DOCK1: variants seen among roughly 807,000 people sequenced by gnomAD.
DOCK1 encodes the protein dedicator of cytokinesis 1, also known as dedicator of cytokinesis protein 1.
In DOCK1, 138 loss-of-function variants were observed where a neutral mutation model predicts 262.7. The ratio of observed to expected loss-of-function variants is 0.53; its 90% CI spans 0.46 to 0.61. DOCK1 has a LOEUF of 0.61. DOCK1 is among the 20% of genes least tolerant of loss of function. The pLI, the probability that DOCK1 is intolerant of heterozygous loss-of-function variation, is 0.00. For synonymous variants in DOCK1, 866 were observed against 867.4 expected, an observed-to-expected ratio of 1.00 and a Z score of 0.03; for missense variants, 1,908 against 2,370.7, an observed-to-expected ratio of 0.80 and a Z score of 4.05.
Position 127,176,469 on chromosome 10 carries a change from A to G in DOCK1, c.2847+48705A>G, listed in dbSNP as rs1445701938. 2 of 1,297,750 alleles carry G rather than the reference A, an allele frequency of 1.5e-6. No homozygotes were observed. 80.4% of individuals were successfully genotyped at this position (1,297,750 alleles called of 1,614,324 possible). A position where few individuals can be genotyped will look rare whatever the true frequency, so the allele number is the denominator to read the frequency against. On this transcript the variant is annotated intron_variant, in intron 27 of 51. Transcript: ENST00000623213. This position sits in a 1 kb window ranked among gnomAD's most constrained non-coding sequence, Gnocchi z 4.4. ...ACACACTCAAGCACCGGCCGCACAAACTTTTAGCCACCACGACGACTGCCT... is the reference window on the plus strand; with the variant it reads ...ACACACTCAAGCACCGGCCGCACAAGCTTTTAGCCACCACGACGACTGCCT...
chr10:127,098,227 A>G (rs2048021925), intron 23 of DOCK1, among the ~76,000 whole-genome samples: 3 of 152,234 alleles, frequency 2.0e-5, no homozygotes, highest in Non-Finnish European at 4.4e-5. Flanking sequence ...CAAAAGGCAA[A>G]CAAAAACAGG....
At chr10:126,921,303 A>T (rs1269433530) in intron 1 of DOCK1, among the ~76,000 whole-genome samples, 4 of 152,152 alleles carry the variant, frequency 2.6e-5, no homozygotes, top group Non-Finnish European at 5.9e-5. Context: ...AATGTCCATC[A>T]TTGGATGAAT....
Position 127,306,732 on chromosome 10 carries a change from G to A in DOCK1, c.3045-32274G>A, listed in dbSNP as rs548966363. Among the ~76,000 whole-genome samples the A allele has an allele frequency of 6.6e-5, 10 of 152,230 alleles. No homozygotes were observed. In the South Asian group the frequency reaches 1.9e-3, roughly 28 times the overall value. The stretch of plus-strand genomic sequence containing the variant: ...TTACGGGAAGCTTGGATAACTGTAT[G>A]GGGGACTTTAAAATTTATCTCTCTG... On this transcript the variant is annotated intron_variant, in intron 29 of 51. Coordinates refer to ENST00000623213, the MANE Select transcript of DOCK1 (RefSeq NM_001290223.2).
chr10:126,906,457 A>C, intron 1 of DOCK1, among the ~76,000 whole-genome samples: 1 of 151,248 alleles, frequency 6.6e-6, no homozygotes. Context: ...GGCCGTGGCT[A>C]CTCTCCTGCT....
chr10:127,260,267 ACT>A lies in DOCK1; in HGVS notation c.3044+2841_3044+2842del, dbSNP rs1367079239. 2.0e-5 allele frequency among the ~76,000 whole-genome samples: 3 copies of A among 151,978 alleles called. No individual in the cohort carries two copies. In the South Asian group the frequency reaches 6.2e-4, roughly 32 times the overall value. On this transcript the variant is annotated intron_variant, in intron 29 of 51. Coordinates refer to ENST00000623213, the MANE Select transcript of DOCK1 (RefSeq NM_001290223.2). ...AGTCTTTTGTTTTGAGGACAGGGAA[ACT>A]CTGGGGAGAAGCCACAGTGCTCAGT...
intron 29 of DOCK1, among the ~76,000 whole-genome samples, chr10:127,326,982 C>T (rs753356759): frequency 1.3e-5 from 2 of 152,172 alleles, no homozygotes; most frequent in Non-Finnish European, 2.9e-5. Flanking sequence ...AGTATCAGGT[C>T]TTAACAGTGG....
intron 27 of DOCK1, among the ~76,000 whole-genome samples, chr10:127,219,743 G>A (rs2058352066): frequency 6.6e-6 from 1 of 151,964 alleles, no homozygotes; most frequent in African/African-American, 2.4e-5. Flanking sequence ...TCTTGAGGTG[G>A]AATCCTCTTC....
chr10:126,966,851 T>G (rs886592996), intron 1 of DOCK1, among the ~76,000 whole-genome samples: 1 of 152,232 alleles, frequency 6.6e-6, no homozygotes, highest in South Asian at 2.1e-4. Flanking sequence ...GCGCTTGGTT[T>G]ATCTCTGTCT....
chr10:127,173,080 C>T (rs975917431), intron 27 of DOCK1, among the ~76,000 whole-genome samples: 1 of 152,158 alleles, frequency 6.6e-6, no homozygotes, highest in African/African-American at 2.4e-5. Flanking sequence ...ATGCATTCAT[C>T]ACATTGGACG....
rs1402479133 is a variant in DOCK1, at chr10:127,093,245, T to TCTTTC, written c.2446-12986_2446-12985insCTTTC. Among the ~76,000 whole-genome samples the TCTTTC allele has an allele frequency of 1.4e-3, 185 of 132,358 alleles. 2 individuals are homozygous for TCTTTC. The highest frequency in any genetic ancestry group is 5.0e-3 in the African/African-American group (163 of 32,838). The allele number at this position is 132,358 out of a possible 152,430, so 86.8% of individuals were successfully genotyped here. The stretch of plus-strand genomic sequence containing the variant: ...TTTCTTTCTTTCTTTCTTTCTTCTT[T>TCTTTC]TTTTTTTTTTTTTTTTTGGAGACAG... On this transcript the variant is annotated intron_variant, in intron 23 of 51. Coordinates refer to ENST00000623213, the MANE Select transcript of DOCK1 (RefSeq NM_001290223.2).
chr10:126,949,120 C>T (rs1489862187), intron 1 of DOCK1, among the ~76,000 whole-genome samples: 1 of 152,092 alleles, frequency 6.6e-6, no homozygotes, highest in East Asian at 1.9e-4. Flanking sequence ...GCCCTTGCTG[C>T]CTGCCTGGCA....
intron 27 of DOCK1, among the ~76,000 whole-genome samples, chr10:127,198,359 C>T (rs537745465): frequency 2.7e-4 from 41 of 152,354 alleles, no homozygotes; most frequent in Middle Eastern, 6.8e-3. Flanking sequence ...TTGAAATCTG[C>T]CTTCCGTCTT....
intron 1 of DOCK1, among the ~76,000 whole-genome samples, chr10:126,924,066 G>T (rs35108155): frequency 0.19 from 28,603 of 152,110 alleles, 3,097 homozygotes; most frequent in East Asian, 0.36. Flanking sequence ...CATGTGTAGA[G>T]AGAAACAGGC....
rs1372112730 is a variant in DOCK1, at chr10:126,956,041, G to T, written c.47-14661G>T. 4.6e-5 allele frequency among the ~76,000 whole-genome samples: 7 copies of T among 152,206 alleles called. No individual in the cohort carries two copies. The East Asian group carries it at 1.2e-3, about 25-fold the overall frequency. On this transcript the variant is annotated intron_variant, in intron 1 of 51. Coordinates refer to ENST00000623213, the MANE Select transcript of DOCK1 (RefSeq NM_001290223.2). Reference sequence around the variant, plus strand: ...TGGCTCCCTCCTCCAAGGCTGTGCTGGGATGGACTCTCTGCCACTGTTCAG... The same window carrying T: ...TGGCTCCCTCCTCCAAGGCTGTGCTTGGATGGACTCTCTGCCACTGTTCAG...
chr10:127,166,465 G>T (rs1426892612), intron 27 of DOCK1, among the ~76,000 whole-genome samples: 1 of 152,198 alleles, frequency 6.6e-6, no homozygotes, highest in East Asian at 1.9e-4. Context: ...GTGAATTCTG[G>T]CATTAACATG....
At chr10:127,078,213 T>C (rs1026221556) in intron 23 of DOCK1, among the ~76,000 whole-genome samples, 1 of 152,226 alleles carries the variant, frequency 6.6e-6, no homozygotes, top group East Asian at 1.9e-4. Context: ...TTTCCAGGGG[T>C]CTCTTAGTAT....
intron 13 of DOCK1, among the ~76,000 whole-genome samples, chr10:127,021,227 A>G (rs1233858252): frequency 3.3e-5 from 5 of 152,134 alleles, no homozygotes. Context: ...GTGCAGTAGC[A>G]CGATCTCAGC....
chr10:127,086,738 G>T (rs1189126311), intron 23 of DOCK1, among the ~76,000 whole-genome samples: 2 of 152,120 alleles, frequency 1.3e-5, no homozygotes, highest in Non-Finnish European at 2.9e-5. Context: ...ACGAAAATGG[G>T]TCTTGGTGAT....
At chr10:127,436,566 T>C (rs2069700209) in intron 48 of DOCK1, among the ~76,000 whole-genome samples, 1 of 152,142 alleles carries the variant, frequency 6.6e-6, no homozygotes, top group Admixed American at 6.5e-5. Flanking sequence ...CCAAACAGTG[T>C]AATGAGGCCC....
Sources: allele counts gnomAD v4.1 joint callset (sites outside exome capture counted in the v4.1 genomes callset), GRCh38; gene constraint gnomAD v4.1.1; non-coding constraint Gnocchi (gnomAD v3.1); transcripts MANE v1.5; gene names NCBI Gene and HGNC (gene_info 2026-07-23, HGNC 2026-07-21).